CNTN5: variants seen among roughly 807,000 people sequenced by gnomAD.
The protein encoded by CNTN5 is contactin-5.
A neutral mutation model predicts 129.1 loss-of-function variants in CNTN5; 77 were observed. The observed-to-expected ratio is 0.60, with a 90% CI of 0.50 to 0.72. The LOEUF is 0.72. Among genes scored for constraint, CNTN5 ranks in the 30% least tolerant of loss-of-function variants. The pLI is 0.00. For synonymous variants in CNTN5, 509 were observed against 465.6 expected (o/e 1.09, Z -1.20); for missense variants, 1,478 against 1,328.8 (o/e 1.11, Z -1.75).
At chr11:99,083,565 T>C (rs1865890233) in intron 1 of CNTN5, among the ~76,000 whole-genome samples, 1 of 152,176 alleles carries the variant, frequency 6.6e-6, no homozygotes, top group Non-Finnish European at 1.5e-5. Context: ...CCTTCTCTAA[T>C]ACTGGCTCTA....
intron 6 of CNTN5, among the ~76,000 whole-genome samples, chr11:99,867,223 T>G (rs1377904021): frequency 6.6e-6 from 1 of 152,186 alleles, no homozygotes. Context: ...CCACCCTTCA[T>G]ATTGTTTTCT....
intron 3 of CNTN5, among the ~76,000 whole-genome samples, chr11:99,743,921 G>T (rs1157777247): frequency 6.6e-6 from 1 of 152,106 alleles, no homozygotes; most frequent in Non-Finnish European, 1.5e-5. Context: ...TAGTTATTCA[G>T]AAGCAGTAAA....
intron 6 of CNTN5, among the ~76,000 whole-genome samples, chr11:99,861,715 A>G (rs550885256): frequency 6.6e-6 from 1 of 152,306 alleles, no homozygotes; most frequent in Admixed American, 6.5e-5. Flanking sequence ...AGTCGCAGTA[A>G]TGTAATTTAA....
chr11:99,531,382 C>T (rs1947699584), intron 2 of CNTN5, among the ~76,000 whole-genome samples: 1 of 152,126 alleles, frequency 6.6e-6, no homozygotes, highest in East Asian at 1.9e-4. Flanking sequence ...AAAAGGGAAA[C>T]AGCATAAAAG....
chr11:99,707,075 T>C (rs1364915789), intron 3 of CNTN5, among the ~76,000 whole-genome samples: 1 of 151,462 alleles, frequency 6.6e-6, no homozygotes, highest in Non-Finnish European at 1.5e-5. Context: ...TAAGTGGTAA[T>C]GCACCTGCCA....
At chr11:99,384,123 G>A (rs545493939) in intron 2 of CNTN5, among the ~76,000 whole-genome samples, 2 of 152,194 alleles carry the variant, frequency 1.3e-5, no homozygotes, top group South Asian at 4.1e-4. Flanking sequence ...AAGGGAAAAT[G>A]ATCCCTCCTC....
rs1382072300 is a variant in CNTN5 at position 99,579,311 on chromosome 11, G to A, written c.55+23042G>A. On this transcript the variant is annotated intron_variant, in intron 3 of 24. Coordinates refer to ENST00000524871, the MANE Select transcript of CNTN5 (RefSeq NM_014361.4). ...TGGCTTAGGATTGACTTGGCGATGTGGGCTCTTTTTTGGTTCCATATGAAC... is the reference window on the plus strand; with the variant it reads ...TGGCTTAGGATTGACTTGGCGATGTAGGCTCTTTTTTGGTTCCATATGAAC... 2.2e-4 allele frequency among the ~76,000 whole-genome samples: 33 copies of A among 150,584 alleles called. 1 individual carries two copies. In the Middle Eastern group the frequency reaches 0.014, roughly 63 times the overall value.
intron 9 of CNTN5, among the ~76,000 whole-genome samples, chr11:100,040,183 T>C (rs1012984452): frequency 6.6e-6 from 1 of 152,230 alleles, no homozygotes; most frequent in African/African-American, 2.4e-5. Context: ...GTTTTCCTTC[T>C]AACAGACAGG....
chr11:99,686,835 T>C (rs554505072), intron 3 of CNTN5, among the ~76,000 whole-genome samples: 53 of 152,306 alleles, frequency 3.5e-4, no homozygotes, highest in Admixed American at 1.1e-3. Context: ...CACAGCTCAT[T>C]GGTTCAGAGC....
chr11:99,947,732 ACT>A (rs1469371964), intron 7 of CNTN5, among the ~76,000 whole-genome samples: 1 of 152,094 alleles, frequency 6.6e-6, no homozygotes, highest in East Asian at 1.9e-4. Context: ...GTCCTCTGTG[ACT>A]CACCTACCTA....
intron 17 of CNTN5, among the ~76,000 whole-genome samples, chr11:100,264,680 C>G (rs989918359): frequency 6.6e-6 from 1 of 152,092 alleles, no homozygotes; most frequent in African/African-American, 2.4e-5. Context: ...GTCAATAGTG[C>G]TGCAATAAAC....
intron 2 of CNTN5, among the ~76,000 whole-genome samples, chr11:99,384,477 C>T (rs994518741): frequency 6.6e-6 from 1 of 152,150 alleles, no homozygotes; most frequent in African/African-American, 2.4e-5. Context: ...ATTTCACCCC[C>T]AACCGAGGGA....
intron 3 of CNTN5, among the ~76,000 whole-genome samples, chr11:99,575,309 C>T (rs1180620539): frequency 1.3e-5 from 2 of 152,194 alleles, no homozygotes; most frequent in East Asian, 1.9e-4. Flanking sequence ...CTAAATGATG[C>T]TGTTGGCAGT....
At chr11:100,312,807 G>A (rs1951495282) in intron 21 of CNTN5, among the ~76,000 whole-genome samples, 1 of 152,052 alleles carries the variant, frequency 6.6e-6, no homozygotes, top group South Asian at 2.1e-4. Flanking sequence ...AACTAGAGAA[G>A]ACAGTGTTTT....
chr11:99,462,577 TC>T (rs1771794180), intron 2 of CNTN5, among the ~76,000 whole-genome samples: 1 of 152,184 alleles, frequency 6.6e-6, no homozygotes, highest in African/African-American at 2.4e-5. Context: ...AGTTAATTCA[TC>T]TTTTTGAAAA....
chr11:99,178,457 G>A (rs1857890071), intron 1 of CNTN5, among the ~76,000 whole-genome samples: 1 of 147,684 alleles, frequency 6.8e-6, no homozygotes. Context: ...GGAAATTATA[G>A]CTGCAGTGAG....
At chr11:99,537,160 G>A (rs1229548966) in intron 2 of CNTN5, among the ~76,000 whole-genome samples, 1 of 152,080 alleles carries the variant, frequency 6.6e-6, no homozygotes, top group African/African-American at 2.4e-5. Flanking sequence ...ATTCAAACCT[G>A]GATGGTCTAA....
At chr11:99,149,660 A>G (rs1212170725) in intron 1 of CNTN5, among the ~76,000 whole-genome samples, 1 of 151,940 alleles carries the variant, frequency 6.6e-6, no homozygotes, top group Non-Finnish European at 1.5e-5. Context: ...AAATTTGGTT[A>G]TAATTAAAAG....
chr11:99,697,601 A>G (rs1954328550), intron 3 of CNTN5, among the ~76,000 whole-genome samples: 1 of 151,728 alleles, frequency 6.6e-6, no homozygotes, highest in South Asian at 2.1e-4. Context: ...GATGTGTTGA[A>G]TAATGTAAAA....
Sources: allele counts gnomAD v4.1 joint callset (sites outside exome capture counted in the v4.1 genomes callset), GRCh38; gene constraint gnomAD v4.1.1; transcripts MANE v1.5; gene names NCBI Gene and HGNC (gene_info 2026-07-23, HGNC 2026-07-21).